The following KLHL1 variants were observed in gnomAD, a reference collection of about 807,000 sequenced individuals.
KLHL1 encodes the protein kelch-like protein 1.
In KLHL1, 47 loss-of-function variants were observed where a neutral mutation model predicts 77.7. The observed-to-expected ratio is 0.60, with a 90% confidence interval of 0.48 to 0.77. The LOEUF is 0.77. Ranked by LOEUF, KLHL1 falls within the 30% of genes least tolerant of loss-of-function variation. The pLI is 0.00. For missense variants in KLHL1, 925 were observed against 910.8 expected (o/e 1.02, Z -0.20); for synonymous variants, 360 against 325.2 (o/e 1.11, Z -1.15).
At chr13:69,903,815 T>C (rs1593935089) in intron 4 of KLHL1, among the ~76,000 whole-genome samples, 2 of 151,730 alleles carry the variant, frequency 1.3e-5, no homozygotes, top group South Asian at 4.2e-4. Context: ...CTAATTTTTG[T>C]ATTTTTAGTA....
chr13:69,720,256 C>A (rs1872983742), intron 8 of KLHL1, among the ~76,000 whole-genome samples: 1 of 151,842 alleles, frequency 6.6e-6, no homozygotes. Flanking sequence ...ATAAGTTATG[C>A]ATCATAAATG....
intron 3 of KLHL1, among the ~76,000 whole-genome samples, chr13:69,950,221 C>A (rs779354083): frequency 1.8e-4 from 28 of 151,622 alleles, no homozygotes; most frequent in Non-Finnish European, 3.5e-4. Context: ...TTCTGTCCAC[C>A]TTATACCTAT....
At chr13:69,787,363 A>G (rs1219084337) in intron 7 of KLHL1, among the ~76,000 whole-genome samples, 1 of 152,206 alleles carries the variant, frequency 6.6e-6, no homozygotes. Flanking sequence ...CCGCATGTCT[A>G]CAACCATCTG....
chr13:69,775,702 TG>T (rs1469757787), intron 7 of KLHL1, among the ~76,000 whole-genome samples: 1 of 151,586 alleles, frequency 6.6e-6, no homozygotes, highest in Non-Finnish European at 1.5e-5. Flanking sequence ...GGTTTTTTTT[TG>T]TTTTTGATAC....
intron 1 of KLHL1, among the ~76,000 whole-genome samples, chr13:70,087,402 C>G (rs1162248873): frequency 6.6e-6 from 1 of 152,134 alleles, no homozygotes; most frequent in East Asian, 1.9e-4. Flanking sequence ...AACAGTCAAC[C>G]AAGAGTAGTA....
chr13:69,902,395 A>G (rs1881897570), intron 4 of KLHL1, among the ~76,000 whole-genome samples: 2 of 152,140 alleles, frequency 1.3e-5, no homozygotes, highest in Admixed American at 6.5e-5. Flanking sequence ...GAACTGAGAA[A>G]AAGGACATAG....
At chr13:69,949,677 A>G (rs1452140301) in intron 3 of KLHL1, among the ~76,000 whole-genome samples, 1 of 151,828 alleles carries the variant, frequency 6.6e-6, no homozygotes, top group Non-Finnish European at 1.5e-5. Context: ...GAATTCTTCT[A>G]TGTGGGAAAT....
chr13:69,897,101 C>T (rs9542106), intron 4 of KLHL1, among the ~76,000 whole-genome samples: 134,987 of 152,194 alleles, frequency 0.89, 60,684 homozygotes, highest in East Asian at 0.97. Flanking sequence ...GAAAGGATAC[C>T]TGATAATTTA....
chr13:70,003,243 T>C (rs987713875), intron 1 of KLHL1, among the ~76,000 whole-genome samples: 10 of 151,748 alleles, frequency 6.6e-5, no homozygotes, highest in Admixed American at 6.6e-5. Context: ...AAGCTTTTCC[T>C]TGAAACATGA....
chr13:69,855,498 A>G (rs1005540054), intron 5 of KLHL1, among the ~76,000 whole-genome samples: 2 of 119,720 alleles, frequency 1.7e-5, no homozygotes, highest in Admixed American at 7.6e-5. Context: ...TCTAATCCCC[A>G]TAATTTCCAC....
At chr13:70,008,773 A>T (rs1462028283) in intron 1 of KLHL1, among the ~76,000 whole-genome samples, 1 of 152,156 alleles carries the variant, frequency 6.6e-6, no homozygotes, top group Non-Finnish European at 1.5e-5. Context: ...TATATATGCC[A>T]AAACAAAGAT....
chr13:70,024,833 G>A (rs2137357509), intron 1 of KLHL1, among the ~76,000 whole-genome samples: 1 of 152,018 alleles, frequency 6.6e-6, no homozygotes, highest in South Asian at 2.1e-4. Flanking sequence ...TTCCCTTAAA[G>A]ATAGTACAAC....
intron 8 of KLHL1, among the ~76,000 whole-genome samples, chr13:69,738,030 G>C (rs1292161913): frequency 1.3e-5 from 2 of 152,118 alleles, no homozygotes; most frequent in African/African-American, 4.8e-5. Flanking sequence ...GCTCCATGAA[G>C]AAGGAGCAAG....
At chr13:70,046,033 T>C (rs1202151896) in intron 1 of KLHL1, among the ~76,000 whole-genome samples, 1 of 152,190 alleles carries the variant, frequency 6.6e-6, no homozygotes, top group Non-Finnish European at 1.5e-5. Flanking sequence ...ACTCTCTTTC[T>C]CTAAAATGCG....
intron 4 of KLHL1, among the ~76,000 whole-genome samples, chr13:69,936,340 G>T (rs1032532920): frequency 1.3e-5 from 2 of 152,114 alleles, no homozygotes; most frequent in Non-Finnish European, 2.9e-5. Context: ...TGTAATCCCA[G>T]CACTTTGGGA....
At chr13:69,843,696 C>A (rs1002840980) in intron 5 of KLHL1, among the ~76,000 whole-genome samples, 3 of 151,594 alleles carry the variant, frequency 2.0e-5, no homozygotes, top group African/African-American at 7.3e-5. Context: ...TTAGGATGGC[C>A]AAAGTACAAG....
At chr13:69,770,457 G>A (rs1180837731) in intron 7 of KLHL1, among the ~76,000 whole-genome samples, 1 of 152,178 alleles carries the variant, frequency 6.6e-6, no homozygotes, top group Admixed American at 6.5e-5. Flanking sequence ...TATAGTTTCT[G>A]GACAGGTAAA....
chr13:69,943,232 T>C (rs2138306617), intron 3 of KLHL1, among the ~76,000 whole-genome samples: 1 of 148,968 alleles, frequency 6.7e-6, no homozygotes, highest in South Asian at 2.1e-4. Flanking sequence ...ATCTGACAGA[T>C]TTCTTCATTT....
At chr13:70,104,745 G>A (rs1038907068) in intron 1 of KLHL1, among the ~76,000 whole-genome samples, 9 of 152,028 alleles carry the variant, frequency 5.9e-5, no homozygotes, top group Admixed American at 5.2e-4. Flanking sequence ...AGTTTATGTA[G>A]TCACTGATCA....
Sources: allele counts gnomAD v4.1 joint callset (sites outside exome capture counted in the v4.1 genomes callset), GRCh38; gene constraint gnomAD v4.1.1; transcripts MANE v1.5; gene names NCBI Gene and HGNC (gene_info 2026-07-23, HGNC 2026-07-21).